Variants in STYK1 observed in about 807,000 individuals in gnomAD.
STYK1 encodes STY kinase 1.
Under a neutral mutation model 48.1 loss-of-function variants are expected in STYK1, and 46 were observed. That is an observed-to-expected ratio of 0.96 (90% confidence interval 0.75 to 1.22). STYK1 has a LOEUF of 1.22. STYK1 is among the 50% of genes most tolerant of loss of function. The pLI is 0.00. For synonymous variants in STYK1, 188 were observed against 189.0 expected, an observed-to-expected ratio of 0.99 and a Z score of 0.04; for missense variants, 527 against 521.1, an observed-to-expected ratio of 1.01 and a Z score of -0.11.
At position 10,629,651 on chromosome 12, in the gene STYK1, G is replaced by T. The variant is rs953053267; in HGVS notation, c.475C>A (p.Gln159Lys). Reference protein sequence around the residue: ...LKEPAGLHEVQDFLGRIQFHQ... With the variant: ...LKEPAGLHEVKDFLGRIQFHQ... ...AATTGGATTCGCCCTAAGAAATCTTGTACCTCATGGAGCCCAGCTGGTTCT... is the reference window on the plus strand; with the variant it reads ...AATTGGATTCGCCCTAAGAAATCTTTTACCTCATGGAGCCCAGCTGGTTCT... The change falls in exon 6 of 11, where the codon CAA becomes AAA. Residue 159 changes from glutamine (Q) to lysine (K), a missense_variant. Coordinates refer to ENST00000075503, the MANE Select transcript of STYK1 (RefSeq NM_018423.3). 17 of 1,614,148 alleles carry T rather than the reference G, an allele frequency of 1.1e-5. No individual in the cohort carries two copies. Among genetic ancestry groups the T allele is most frequent in the Admixed American group, 5.0e-5 (3 of 60,010 alleles).
chr12:10,636,884 T>G (rs1219385105), intron 2 of STYK1, among the ~76,000 whole-genome samples, 187 bp downstream of exon 2: 1 of 152,064 alleles, frequency 6.6e-6, no homozygotes, highest in Non-Finnish European at 1.5e-5. Flanking sequence ...ACACACCCAC[T>G]AATACATACT....
At chr12:10,621,093 T>G (rs544360110) in intron 10 of STYK1, among the ~76,000 whole-genome samples, 4 of 152,292 alleles carry the variant, frequency 2.6e-5, no homozygotes, top group East Asian at 3.8e-4. Context: ...TGCTGTAAAT[T>G]TACCCATTCA....
chr12:10,661,058 G>A (rs183240729), intron 1 of STYK1, among the ~76,000 whole-genome samples: 5 of 152,140 alleles, frequency 3.3e-5, no homozygotes, highest in African/African-American at 1.2e-4. Flanking sequence ...TCTGCTGGGG[G>A]TCTGAATTGG....
At chr12:10,634,470 A>G (rs1227591952) in intron 3 of STYK1, 97 bp downstream of exon 3, 4 of 1,348,106 alleles carry the variant, frequency 3.0e-6, no homozygotes, top group South Asian at 2.4e-5. Flanking sequence ...CTTCATTTCT[A>G]CTGGAAATCA....
At chr12:10,648,859 AC>A (rs1343945778) in intron 1 of STYK1, among the ~76,000 whole-genome samples, 6 of 152,250 alleles carry the variant, frequency 3.9e-5, no homozygotes, top group Non-Finnish European at 7.4e-5. Flanking sequence ...GAGCCACCAC[AC>A]CCAGCAGAAA....
rs1281201618 is a variant in STYK1, at chr12:10,620,176, C to T, written c.1237G>A (p.Glu413Lys). Residue 413 changes from glutamate to lysine, a missense_variant, in exon 11 of 11, where the codon GAG becomes AAG. Transcript: ENST00000075503. The stretch of plus-strand genomic sequence containing the variant: ...ATGCTATAGTTGTAGAAGAGGCTCT[C>T]CACTCTGATGCCGGCCACAGCTGCA... ...LYAAVAGIRV[E>K]SLFYNYSML The T allele has an allele frequency of 6.2e-7, 1 of 1,614,188 alleles. No individual in the cohort carries two copies. Among genetic ancestry groups the T allele is most frequent in the East Asian group, 2.2e-5 (1 of 44,882 alleles).
chr12:10,663,007 AG>A (rs1306178525), intron 1 of STYK1, among the ~76,000 whole-genome samples: 1 of 152,206 alleles, frequency 6.6e-6, no homozygotes, highest in Non-Finnish European at 1.5e-5. Flanking sequence ...TTTGAATTAG[AG>A]GTAAATGTCC....
rs749836195 is a variant in STYK1 at position 10,624,652 on chromosome 12, C to T, written c.925G>A (p.Val309Ile). Residue 309 changes from valine (V) to isoleucine (I), a missense_variant and splice_region_variant, in exon 8 of 11, where the codon GTC becomes ATC. Physicochemically the swap from Val to Ile is conservative, Grantham distance 29. Coordinates refer to ENST00000075503, the MANE Select transcript of STYK1 (RefSeq NM_018423.3). ...TCAGAGTCCAGGAATAAACCGTACA[C>T]ATCTGCTCTGATGCTAGCAGGTCTC... ...LLRPASIRAD[V>I]WSFGILLYEM... 1 of 1,613,744 alleles carries T rather than the reference C, an allele frequency of 6.2e-7. No homozygotes were observed. Among genetic ancestry groups the T allele is most frequent in the Non-Finnish European group, 8.5e-7 (1 of 1,179,920 alleles).
rs12297620 is a variant in STYK1, at chr12:10,620,129, C to T, written c.*15G>A. 13,359 of 1,614,072 alleles carry T rather than the reference C, an allele frequency of 8.3e-3. 905 individuals are homozygous for T. The African/African-American group carries it at 0.15, about 18-fold the overall frequency. ...AACATATACTCATGCATGAATGTTTCTTGCCCGAGACTCTTCAAAGCATGC... is the reference window on the plus strand; with the variant it reads ...AACATATACTCATGCATGAATGTTTTTTGCCCGAGACTCTTCAAAGCATGC... On this transcript the variant is annotated 3_prime_UTR_variant, in exon 11 of 11. Coordinates refer to ENST00000075503, the MANE Select transcript of STYK1 (RefSeq NM_018423.3).
At position 10,672,386 on chromosome 12, in the gene STYK1, AT is replaced by A. The variant is rs887989007; in HGVS notation, c.-195+1579del. Among the ~76,000 whole-genome samples, 2 of 151,754 alleles carry A rather than the reference AT, an allele frequency of 1.3e-5. No individual in the cohort carries two copies. Among genetic ancestry groups the A allele is most frequent in the Non-Finnish European group, 2.9e-5 (2 of 67,950 alleles). ...CCTGTCAGATAAGCCACGACATTAGATTTTCTTTCTTTTTCTTCCTCTTGTA... is the reference window on the plus strand; with the variant it reads ...CCTGTCAGATAAGCCACGACATTAGATTTCTTTCTTTTTCTTCCTCTTGTA... On this transcript the variant is annotated intron_variant, in intron 1 of 10. Transcript: ENST00000075503. This position sits in a 1 kb window ranked among gnomAD's most constrained non-coding sequence, Gnocchi z 4.0.
At chr12:10,646,366 T>C (rs1196360778) in intron 1 of STYK1, among the ~76,000 whole-genome samples, 4 of 152,312 alleles carry the variant, frequency 2.6e-5, no homozygotes, top group Admixed American at 6.5e-5. Context: ...GTGACTCTTG[T>C]TATGTTTTAG....
chr12:10,635,625 T>A (rs1591683711), intron 2 of STYK1, among the ~76,000 whole-genome samples: 1 of 152,318 alleles, frequency 6.6e-6, no homozygotes, highest in East Asian at 1.9e-4. Flanking sequence ...TGTAAAATTG[T>A]ATAGCATAAA....
intron 1 of STYK1, among the ~76,000 whole-genome samples, chr12:10,660,368 C>T (rs1211198373): frequency 6.6e-6 from 1 of 152,134 alleles, no homozygotes; most frequent in Admixed American, 6.5e-5. Flanking sequence ...AGTTAGGTAT[C>T]AATATCATTG....
intron 1 of STYK1, among the ~76,000 whole-genome samples, chr12:10,668,574 T>C (rs1028477510): frequency 1.4e-5 from 2 of 141,990 alleles, no homozygotes; most frequent in African/African-American, 5.2e-5. Flanking sequence ...TTTGTATATT[T>C]ACTAGAGATG....
intron 1 of STYK1, among the ~76,000 whole-genome samples, chr12:10,657,578 T>C (rs540121424): frequency 1.3e-5 from 2 of 152,342 alleles, no homozygotes; most frequent in South Asian, 4.1e-4. Flanking sequence ...ATCAGATAAT[T>C]AGATTTGCTA....
chr12:10,638,316 G>C (rs576337280), intron 1 of STYK1, among the ~76,000 whole-genome samples: 67 of 152,214 alleles, frequency 4.4e-4, no homozygotes, highest in South Asian at 1.2e-3. Flanking sequence ...TCTCTTATCA[G>C]TTGCTTCAGA....
chr12:10,657,305 CA>C lies in STYK1; in HGVS notation c.-195+16660del, dbSNP rs377174660. On this transcript the variant is annotated intron_variant, in intron 1 of 10. Transcript: ENST00000075503. Reference sequence around the variant, plus strand: ...TTCAATTAAGAAACTTAAAAATTGGCAAATGAAAAATCTTACAACTACTGGA... The same window carrying C: ...TTCAATTAAGAAACTTAAAAATTGGCAATGAAAAATCTTACAACTACTGGA... 2.5e-4 allele frequency among the ~76,000 whole-genome samples: 38 copies of C among 152,278 alleles called. No homozygotes were observed. The South Asian group carries it at 6.6e-3, about 27-fold the overall frequency.
intron 6 of STYK1, among the ~76,000 whole-genome samples, chr12:10,628,687 C>G (rs1057267959): frequency 6.6e-6 from 1 of 152,120 alleles, no homozygotes; most frequent in African/African-American, 2.4e-5. Flanking sequence ...GGTAGCACTT[C>G]TGAAAGAGGA....
intron 1 of STYK1, among the ~76,000 whole-genome samples, chr12:10,639,989 G>C (rs960964526): frequency 4.0e-5 from 6 of 151,714 alleles, no homozygotes; most frequent in African/African-American, 1.2e-4. Flanking sequence ...ACCTCATAGG[G>C]ACATAGATGA....
Sources: allele counts gnomAD v4.1 joint callset (sites outside exome capture counted in the v4.1 genomes callset), GRCh38; gene constraint gnomAD v4.1.1; non-coding constraint Gnocchi (gnomAD v3.1); transcripts MANE v1.5; gene names NCBI Gene and HGNC (gene_info 2026-07-23, HGNC 2026-07-21).